The following PPP3CB variants were observed in gnomAD, a reference collection of about 807,000 sequenced individuals.
PPP3CB encodes the protein protein phosphatase 3 catalytic subunit beta.
Under a neutral mutation model 66.4 loss-of-function variants are expected in PPP3CB, and 8 were observed. The ratio of observed to expected loss-of-function variants is 0.12; its 90% confidence interval spans 0.07 to 0.22. The LOEUF is 0.22. Among genes scored for constraint, PPP3CB ranks in the 10% least tolerant of loss-of-function variants. PPP3CB has a pLI of 1.00. For missense variants in PPP3CB, 319 were observed against 642.5 expected (o/e 0.50, Z 5.44); for synonymous variants, 208 against 221.2 (o/e 0.94, Z 0.53).
intron 1 of PPP3CB, among the ~76,000 whole-genome samples, chr10:73,487,652 G>C (rs901109817): frequency 8.7e-5 from 13 of 148,816 alleles, no homozygotes; most frequent in African/African-American, 3.0e-4. Context: ...CAAAATACTT[G>C]TTTAACGACA....
intron 9 of PPP3CB, among the ~76,000 whole-genome samples, chr10:73,465,504 G>C (rs941214931): frequency 5.3e-5 from 8 of 152,140 alleles, no homozygotes; most frequent in Non-Finnish European, 8.8e-5. Context: ...CAAGGCTGCT[G>C]TGGGCTATGA....
At chr10:73,468,589 G>C (rs2056655411) in intron 8 of PPP3CB, among the ~76,000 whole-genome samples, 1 of 152,014 alleles carries the variant, frequency 6.6e-6, no homozygotes, top group South Asian at 2.1e-4. Context: ...ATACATAAAA[G>C]TATAAAATGT....
intron 1 of PPP3CB, among the ~76,000 whole-genome samples, chr10:73,491,974 A>AAATG (rs1449893031): frequency 7.3e-6 from 1 of 137,860 alleles, no homozygotes; most frequent in African/African-American, 3.5e-5. Flanking sequence ...TCTCAAAAAT[A>AAATG]AATAAATAAA....
chr10:73,437,749 G>T lies in PPP3CB; in HGVS notation c.*493C>A, dbSNP rs1452490450. ...AACATTTTGTATAAATGCCAACTGG[G>T]TTTCTCGGCATTTTGCTCACAATTC... On this transcript the variant is annotated 3_prime_UTR_variant, in exon 14 of 14. Coordinates refer to ENST00000360663, the MANE Select transcript of PPP3CB (RefSeq NM_021132.4). The T allele has an allele frequency of 6.5e-6, 1 of 152,760 alleles. No homozygotes were observed. Among genetic ancestry groups the T allele is most frequent in the Non-Finnish European group, 1.5e-5 (1 of 68,158 alleles). 9.5% of individuals were successfully genotyped at this position (152,760 alleles called of 1,614,324 possible). A position where few individuals can be genotyped will look rare whatever the true frequency, so the allele number is the denominator to read the frequency against.
At chr10:73,495,539 CTG>C (rs200246919) in intron 1 of PPP3CB, 3,122 of 272,642 alleles carry the variant, frequency 0.011, 19 homozygotes, top group Non-Finnish European at 0.017. Context: ...AACGGGCTCA[CTG>C]CAGCTAACAG....
chr10:73,494,103 C>A (rs1368902164), intron 1 of PPP3CB, among the ~76,000 whole-genome samples: 1 of 152,018 alleles, frequency 6.6e-6, no homozygotes, highest in East Asian at 1.9e-4. Flanking sequence ...AGCCAATGTC[C>A]CGTTCCCACC....
intron 9 of PPP3CB, among the ~76,000 whole-genome samples, chr10:73,461,291 A>G (rs142574640): frequency 3.2e-3 from 488 of 152,270 alleles, no homozygotes; most frequent in Admixed American, 5.7e-3. Context: ...TACTAAAAAT[A>G]CAAAAATTAG....
intron 8 of PPP3CB, 26 bp downstream of exon 8, chr10:73,470,661 A>C: frequency 7.1e-7 from 1 of 1,409,652 alleles, no homozygotes; most frequent in Non-Finnish European, 9.7e-7. Context: ...GTTGTTTAAC[A>C]ATTTTTTTTA....
chr10:73,495,703 G>C (rs945325206), intron 1 of PPP3CB, 102 bp downstream of exon 1: 1 of 1,453,954 alleles, frequency 6.9e-7, no homozygotes. Context: ...CCAGTCACTC[G>C]CCCGCCCTTC....
intron 9 of PPP3CB, among the ~76,000 whole-genome samples, chr10:73,466,258 T>C (rs1007009802): frequency 6.6e-6 from 1 of 152,222 alleles, no homozygotes; most frequent in Admixed American, 6.5e-5. Flanking sequence ...ATTTCTTTCC[T>C]TGTTTAAATA....
chr10:73,480,538 G>A (rs561604908), intron 1 of PPP3CB, among the ~76,000 whole-genome samples: 1 of 148,772 alleles, frequency 6.7e-6, no homozygotes, highest in Non-Finnish European at 1.5e-5. Context: ...TTCGCCTCCC[G>A]GGTTCAAGGG....
chr10:73,476,394 A>T (rs1019333781), intron 3 of PPP3CB, among the ~76,000 whole-genome samples: 3 of 152,188 alleles, frequency 2.0e-5, no homozygotes, highest in African/African-American at 7.2e-5. Context: ...AGGCAGGCAG[A>T]TCACCTGAGG....
intron 9 of PPP3CB, among the ~76,000 whole-genome samples, chr10:73,461,516 T>C (rs955113998): frequency 1.3e-5 from 2 of 152,216 alleles, no homozygotes; most frequent in Non-Finnish European, 2.9e-5. Context: ...CTGAACCCCT[T>C]TTCTTTTAGC....
intron 9 of PPP3CB, among the ~76,000 whole-genome samples, chr10:73,464,005 A>T (rs887349158): frequency 2.0e-5 from 3 of 151,932 alleles, no homozygotes; most frequent in Non-Finnish European, 4.4e-5. Context: ...ATCTCAGCTC[A>T]CTGCAACCTC....
In PPP3CB at chr10:73,446,571, A is replaced by C. The variant is rs565278043; in HGVS notation, c.1189T>G (p.Ser397Ala). 1 of 1,613,438 alleles carries C rather than the reference A, an allele frequency of 6.2e-7. No homozygotes were observed. Among genetic ancestry groups the C allele is most frequent in the South Asian group, 1.1e-5 (1 of 91,062 alleles). ...MTEGEDQFDG[S>A]AAARKEIIRN... ...ATGATTTCTTTCCGGGCTGCAGCTG[A>C]ACCTACTTTCAATGGAATAAATAGA... is the stretch of plus-strand genomic sequence containing the variant. Residue 397 changes from serine (S) to alanine (A), a missense_variant and splice_region_variant, in exon 11 of 14, where the codon TCA becomes GCA. By Grantham distance (99) the Ser-to-Ala change is moderately conservative. Around this residue, in one of 5 missense-constraint regions of PPP3CB, gnomAD observed 120 missense variants for 331.2 expected, o/e 0.36. Transcript: ENST00000360663.
chr10:73,455,662 G>A (rs2056414329), intron 9 of PPP3CB, among the ~76,000 whole-genome samples: 3 of 152,166 alleles, frequency 2.0e-5, no homozygotes, highest in Admixed American at 6.5e-5. Context: ...TCCGCCTCCC[G>A]GGTTCACGCC....
chr10:73,446,822 A>G (rs576892080), intron 10 of PPP3CB, among the ~76,000 whole-genome samples: 2 of 152,290 alleles, frequency 1.3e-5, no homozygotes, highest in Admixed American at 6.5e-5. Context: ...TTAATATTTC[A>G]CTCTACTGGC....
At chr10:73,444,376 C>A (rs571561507) in intron 12 of PPP3CB, 4 of 549,964 alleles carry the variant, frequency 7.3e-6, no homozygotes, top group African/African-American at 3.8e-5. Flanking sequence ...ACAGGAATAT[C>A]CCTGATTCAC....
At chr10:73,485,063 C>T (rs1241920821) in intron 1 of PPP3CB, among the ~76,000 whole-genome samples, 1 of 151,788 alleles carries the variant, frequency 6.6e-6, no homozygotes, top group Non-Finnish European at 1.5e-5. Flanking sequence ...AAAAATAAAC[C>T]AATCAAACAA....
Sources: allele counts gnomAD v4.1 joint callset (sites outside exome capture counted in the v4.1 genomes callset), GRCh38; gene constraint gnomAD v4.1.1; regional missense constraint gnomAD v4.1.1; transcripts MANE v1.5; gene names NCBI Gene and HGNC (gene_info 2026-07-23, HGNC 2026-07-21).